LRMDA: variants seen among roughly 807,000 people sequenced by gnomAD.
LRMDA encodes leucine-rich melanocyte differentiation-associated protein.
A neutral mutation model predicts 29.8 loss-of-function variants in LRMDA; 18 were observed. The observed-to-expected ratio is 0.60, with a 90% CI of 0.42 to 0.90. The LOEUF (loss-of-function observed/expected upper bound fraction) is 0.90, where lower values mean the gene tolerates loss of function less well. Ranked by LOEUF, LRMDA falls within the 40% of genes least tolerant of loss-of-function variation. The probability of loss-of-function intolerance (pLI) is 0.00; values close to 1 mark genes in which losing one functional copy is unlikely to be tolerated. For synonymous variants in LRMDA, 125 were observed against 109.4 expected (o/e 1.14, Z -0.89); for missense variants, 273 against 273.9 (o/e 1.00, Z 0.02).
At chr10:76,415,602 A>ATGTG (rs758836213) in intron 6 of LRMDA, among the ~76,000 whole-genome samples, 7 of 130,604 alleles carry the variant, frequency 5.4e-5, no homozygotes, top group Admixed American at 2.4e-4. Context: ...TGGGGCGTGT[A>ATGTG]TGTGTGTGTG....
At chr10:76,125,939 G>A (rs997892686) in intron 5 of LRMDA, among the ~76,000 whole-genome samples, 1 of 152,330 alleles carries the variant, frequency 6.6e-6, no homozygotes, top group East Asian at 1.9e-4. Context: ...TTCCTAGGGG[G>A]CTTAAGGAAA....
intron 2 of LRMDA, among the ~76,000 whole-genome samples, chr10:75,753,833 T>C (rs1842994944): frequency 6.6e-6 from 1 of 151,204 alleles, no homozygotes. Flanking sequence ...ACAGTCATTG[T>C]GGTGGTCATG....
intron 6 of LRMDA, among the ~76,000 whole-genome samples, chr10:76,455,690 T>C (rs945648960): frequency 6.6e-6 from 1 of 152,194 alleles, no homozygotes; most frequent in African/African-American, 2.4e-5. Flanking sequence ...TAGCAGCAGA[T>C]GAAAGCATAA....
intron 5 of LRMDA, among the ~76,000 whole-genome samples, chr10:76,173,041 T>C (rs1365608006): frequency 1.4e-5 from 2 of 141,356 alleles, no homozygotes; most frequent in Non-Finnish European, 3.0e-5. Context: ...AAGGAAAGCA[T>C]GAAAGTGTTA....
chr10:76,156,955 C>A (rs1243223206), intron 5 of LRMDA, among the ~76,000 whole-genome samples: 1 of 152,144 alleles, frequency 6.6e-6, no homozygotes, highest in African/African-American at 2.4e-5. Context: ...CTTTTAGGTT[C>A]TTGGTGCCTG....
chr10:76,350,849 ACT>A (rs961820484), intron 6 of LRMDA, among the ~76,000 whole-genome samples: 2 of 151,900 alleles, frequency 1.3e-5, no homozygotes, highest in South Asian at 2.1e-4. Context: ...AAGAAGATAA[ACT>A]CTCTGTCCAT....
At chr10:76,363,167 AAG>A (rs1841337121) in intron 6 of LRMDA, among the ~76,000 whole-genome samples, 1 of 36,072 alleles carries the variant, frequency 2.8e-5, no homozygotes, top group South Asian at 8.3e-4. Context: ...GAAAGAAAGA[AAG>A]AAAGAAAGGA....
At chr10:76,321,887 G>C (rs1341605224) in intron 5 of LRMDA, among the ~76,000 whole-genome samples, 1 of 152,202 alleles carries the variant, frequency 6.6e-6, no homozygotes, top group Non-Finnish European at 1.5e-5. Flanking sequence ...AGCGGTTGCA[G>C]TGAGTTGAGA....
chr10:76,487,343 G>T (rs1842792298), intron 6 of LRMDA, among the ~76,000 whole-genome samples: 1 of 151,820 alleles, frequency 6.6e-6, no homozygotes, highest in East Asian at 1.9e-4. Context: ...GCTTGAAGTT[G>T]GGCCTAGGCA....
chr10:75,802,366 CAA>C (rs1843768607), intron 2 of LRMDA, among the ~76,000 whole-genome samples: 1 of 146,116 alleles, frequency 6.8e-6, no homozygotes, highest in East Asian at 2.1e-4. Flanking sequence ...CACACACACA[CAA>C]TAGGGAAGGA....
chr10:75,913,240 T>G (rs1042546195), intron 2 of LRMDA, among the ~76,000 whole-genome samples: 40 of 152,156 alleles, frequency 2.6e-4, no homozygotes, highest in Non-Finnish European at 2.4e-4. Flanking sequence ...TGGTGGATCA[T>G]GAGGTCAGGA....
chr10:75,790,824 T>G (rs1419599498), intron 2 of LRMDA, among the ~76,000 whole-genome samples: 1 of 152,202 alleles, frequency 6.6e-6, no homozygotes, highest in Non-Finnish European at 1.5e-5. Flanking sequence ...TCAAACCAGG[T>G]CCAAGAGGAG....
intron 2 of LRMDA, among the ~76,000 whole-genome samples, chr10:75,498,271 A>G (rs1389859671): frequency 2.0e-5 from 3 of 152,204 alleles, no homozygotes; most frequent in Non-Finnish European, 4.4e-5. Flanking sequence ...AACTTTCTGC[A>G]GCTTTTTTTT....
chr10:76,442,529 AT>A (rs1842314463), intron 6 of LRMDA, among the ~76,000 whole-genome samples: 1 of 152,158 alleles, frequency 6.6e-6, no homozygotes, highest in Admixed American at 6.5e-5. Flanking sequence ...GTCTCTACAA[AT>A]AAAACATAAA....
chr10:75,445,289 T>C lies in LRMDA; in HGVS notation c.131+6795T>C, dbSNP rs141151587. On this transcript the variant is annotated intron_variant, in intron 2 of 6. Transcript: ENST00000611255. ...TCAAGTCTTTCCTTAGTGTTGGACA[T>C]TTAGTTTGTTTTTTTTTTCCAAATT... 4.6e-3 allele frequency among the ~76,000 whole-genome samples: 705 copies of C among 152,154 alleles called. 6 individuals carry two copies. Among genetic ancestry groups the C allele is most frequent in the African/African-American group, 0.016 (662 of 41,462 alleles).
At chr10:75,831,795 G>C (rs1844350729) in intron 2 of LRMDA, among the ~76,000 whole-genome samples, 1 of 152,162 alleles carries the variant, frequency 6.6e-6, no homozygotes, top group South Asian at 2.1e-4. Context: ...TGACTTGTGT[G>C]CCCCTGCAGG....
chr10:75,765,575 G>A (rs914744770), intron 2 of LRMDA, among the ~76,000 whole-genome samples: 16 of 151,208 alleles, frequency 1.1e-4, no homozygotes, highest in African/African-American at 3.9e-4. Flanking sequence ...TAAGGCCTCT[G>A]TGGTGTGCTC....
chr10:76,170,376 C>G (rs1850812918), intron 5 of LRMDA, among the ~76,000 whole-genome samples: 1 of 152,158 alleles, frequency 6.6e-6, no homozygotes, highest in Non-Finnish European at 1.5e-5. Context: ...CTTGCAGATT[C>G]TTGTGTAGGT....
At chr10:76,316,901 TA>T (rs1351615860) in intron 5 of LRMDA, among the ~76,000 whole-genome samples, 1 of 152,232 alleles carries the variant, frequency 6.6e-6, no homozygotes, top group African/African-American at 2.4e-5. Flanking sequence ...ATGCTATTAG[TA>T]AATTCCTTCT....
Sources: gnomAD v4.1 joint callset for allele counts (sites outside exome capture counted in the v4.1 genomes callset) on GRCh38, gnomAD v4.1.1 for gene constraint, MANE v1.5 for transcripts, NCBI Gene and HGNC (gene_info 2026-07-23, HGNC 2026-07-21) for gene names.